The following ATP1B3 variants were observed in gnomAD, a reference collection of about 807,000 sequenced individuals.
The protein encoded by ATP1B3 is sodium/potassium-transporting ATPase subunit beta-3.
Under a neutral mutation model 30.2 loss-of-function variants are expected in ATP1B3, and 10 were observed. The ratio of observed to expected loss-of-function variants is 0.33; its 90% CI spans 0.20 to 0.56. The LOEUF (loss-of-function observed/expected upper bound fraction) is 0.56. Ranked by LOEUF, ATP1B3 falls within the 20% of genes least tolerant of loss-of-function variation. ATP1B3 has a pLI of 0.90. For synonymous variants in ATP1B3, 113 were observed against 117.0 expected (o/e 0.97, Z 0.22); for missense variants, 238 against 336.7 (o/e 0.71, Z 2.29).
At chr3:141,896,383 C>T (rs780908941) in intron 1 of ATP1B3, among the ~76,000 whole-genome samples, 4 of 151,864 alleles carry the variant, frequency 2.6e-5, no homozygotes, top group South Asian at 2.1e-4. Context: ...TAGCTGGGCA[C>T]GGTGGTATGT....
intron 1 of ATP1B3, among the ~76,000 whole-genome samples, chr3:141,878,572 G>A (rs747036672): frequency 9.2e-5 from 14 of 152,184 alleles, no homozygotes; most frequent in Non-Finnish European, 1.5e-4. Flanking sequence ...TGCAGATAGT[G>A]CTCTTCAACC....
chr3:141,899,664 G>GT (rs1934125642), intron 1 of ATP1B3, among the ~76,000 whole-genome samples: 1 of 152,206 alleles, frequency 6.6e-6, no homozygotes, highest in Non-Finnish European at 1.5e-5. Flanking sequence ...GAGGTCAGGA[G>GT]TTCGAGACCA....
At chr3:141,890,303 T>C in intron 1 of ATP1B3, among the ~76,000 whole-genome samples, 1 of 99,580 alleles carries the variant, frequency 1.0e-5, no homozygotes, top group Admixed American at 1.1e-4. Flanking sequence ...TTTTTTTTTT[T>C]TTTTTTTTTT....
chr3:141,889,164 G>A (rs2107765905), intron 1 of ATP1B3, among the ~76,000 whole-genome samples: 1 of 152,172 alleles, frequency 6.6e-6, no homozygotes, highest in Non-Finnish European at 1.5e-5. Flanking sequence ...GGAGAAGTCT[G>A]CCCCCCATGA....
At chr3:141,895,147 A>G (rs1934037396) in intron 1 of ATP1B3, among the ~76,000 whole-genome samples, 1 of 149,632 alleles carries the variant, frequency 6.7e-6, no homozygotes, top group Admixed American at 6.7e-5. Flanking sequence ...ATAGGAGATG[A>G]CAGCTCCTGT....
rs573030421 is a variant in ATP1B3 at position 141,888,720 on chromosome 3, G to A, written c.109+11810G>A. On this transcript the variant is annotated intron_variant, in intron 1 of 6. Coordinates refer to ENST00000286371, the MANE Select transcript of ATP1B3 (RefSeq NM_001679.4). ...GGGTGGTAATTGAATCATGGGGGCA[G>A]GTCTTTCTTGTGCTCTTCTTGAGAT... is the stretch of plus-strand genomic sequence containing the variant. Among the ~76,000 whole-genome samples, 3 of 152,212 alleles carry A rather than the reference G, an allele frequency of 2.0e-5. No individual in the cohort carries two copies. The South Asian group carries it at 6.2e-4, about 32-fold the overall frequency.
chr3:141,905,303 A>G (rs920344308), intron 2 of ATP1B3, among the ~76,000 whole-genome samples: 1 of 152,114 alleles, frequency 6.6e-6, no homozygotes. Context: ...ACTGAGTCAT[A>G]TGGCAGCGTC....
chr3:141,918,418 GGT>G (rs1479192602), intron 5 of ATP1B3: 2 of 151,908 alleles, frequency 1.3e-5, no homozygotes, highest in Non-Finnish European at 2.9e-5. Flanking sequence ...GTAAACCTTT[GGT>G]CAGTATAAAC....
chr3:141,890,925 G>A (rs1231708665), intron 1 of ATP1B3, among the ~76,000 whole-genome samples: 1 of 152,128 alleles, frequency 6.6e-6, no homozygotes, highest in African/African-American at 2.4e-5. Flanking sequence ...TGAATATTAA[G>A]CCTTTGTTAT....
chr3:141,904,549 C>T (rs542432271), intron 2 of ATP1B3, among the ~76,000 whole-genome samples: 11 of 151,960 alleles, frequency 7.2e-5, no homozygotes, highest in South Asian at 4.2e-4. Context: ...AATGATACCT[C>T]ATAGAGAACA....
In ATP1B3 at chr3:141,890,648, G is replaced by A. The variant is rs1227205092; in HGVS notation, c.110-12972G>A. On this transcript the variant is annotated intron_variant, in intron 1 of 6. Coordinates refer to ENST00000286371, the MANE Select transcript of ATP1B3 (RefSeq NM_001679.4). ...AGACTGGGTTTTGCCATGTTGCCCAGGCTGGTCTCGAACTCTTGACCTCAA... is the reference window on the plus strand; with the variant it reads ...AGACTGGGTTTTGCCATGTTGCCCAAGCTGGTCTCGAACTCTTGACCTCAA... 2.0e-5 allele frequency among the ~76,000 whole-genome samples: 3 copies of A among 148,206 alleles called. 1 individual carries two copies. Among genetic ancestry groups the A allele is most frequent in the African/African-American group, 5.3e-5 (2 of 37,712 alleles).
chr3:141,890,286 T>C (rs6766994), intron 1 of ATP1B3, among the ~76,000 whole-genome samples: 10,728 of 22,638 alleles, frequency 0.47, 714 homozygotes, highest in African/African-American at 0.51. Flanking sequence ...TTTGTGGGGC[T>C]TTTTTTTTTT....
At chr3:141,920,195 C>T (rs993563950) in intron 5 of ATP1B3, among the ~76,000 whole-genome samples, 9 of 152,066 alleles carry the variant, frequency 5.9e-5, no homozygotes, top group African/African-American at 2.2e-4. Flanking sequence ...GCCCCAGTGC[C>T]CTGCTCCGTA....
rs572157102 is a variant in ATP1B3 at position 141,877,367 on chromosome 3, C to G, written c.109+457C>G. Among the ~76,000 whole-genome samples the G allele has an allele frequency of 1.9e-3, 292 of 152,284 alleles. 1 individual carries two copies. Among genetic ancestry groups the G allele is most frequent in the Non-Finnish European group, 3.8e-3 (257 of 68,006 alleles). On this transcript the variant is annotated intron_variant, in intron 1 of 6. Coordinates refer to ENST00000286371, the MANE Select transcript of ATP1B3 (RefSeq NM_001679.4). ...CGGAGAAGCCAGACCCTGCCCCACT[C>G]CAGGGGAGAGGAAATTTCCACTCCC...
rs1047113913 is a variant in ATP1B3, at chr3:141,907,164, T to C, written c.239-3T>C. The C allele has an allele frequency of 1.2e-6, 2 of 1,603,882 alleles. No homozygotes were observed. Among genetic ancestry groups the C allele is most frequent in the Non-Finnish European group, 1.7e-6 (2 of 1,173,484 alleles). On this transcript the variant is annotated splice_region_variant and splice_polypyrimidine_tract_variant and intron_variant, in intron 2 of 6. Coordinates refer to ENST00000286371, the MANE Select transcript of ATP1B3 (RefSeq NM_001679.4). ...ATAATCTCTCCCTTTTATGTCTTTA[T>C]AGGACTCATGGTTTTTCCAAAACCA...
intron 1 of ATP1B3, among the ~76,000 whole-genome samples, chr3:141,890,089 T>TC (rs1559866276): frequency 1.2e-5 from 1 of 86,642 alleles, no homozygotes; most frequent in Non-Finnish European, 2.3e-5. Context: ...TTTTTTTCTT[T>TC]TTTTTTTTTT....
At chr3:141,876,937 G>T in intron 1 of ATP1B3, 27 bp downstream of exon 1, 1 of 1,534,502 alleles carries the variant, frequency 6.5e-7, no homozygotes, top group Non-Finnish European at 8.8e-7. Flanking sequence ...TGGGCGTCCG[G>T]GGCCGGCCTC....
At chr3:141,922,150 A>C in intron 6 of ATP1B3, 87 bp downstream of exon 6, 2 of 736,206 alleles carry the variant, frequency 2.7e-6, no homozygotes, top group Non-Finnish European at 4.4e-6. Context: ...GGGTAGGTAG[A>C]CGCCAGCCCT....
At chr3:141,922,857 T>A (rs1371383942) in intron 6 of ATP1B3, among the ~76,000 whole-genome samples, 2 of 151,924 alleles carry the variant, frequency 1.3e-5, no homozygotes, top group East Asian at 1.9e-4. Context: ...TCCCAGCTGC[T>A]CGAGAGGGTG....
Sources: allele counts gnomAD v4.1 joint callset (sites outside exome capture counted in the v4.1 genomes callset), GRCh38; gene constraint gnomAD v4.1.1; transcripts MANE v1.5; gene names NCBI Gene and HGNC (gene_info 2026-07-23, HGNC 2026-07-21).